PLEC: variants seen among roughly 807,000 people sequenced by gnomAD.
PLEC encodes the protein plectin.
A neutral mutation model predicts 392.8 loss-of-function variants in PLEC; 216 were observed. The ratio of observed to expected loss-of-function variants is 0.55; its 90% CI spans 0.49 to 0.62. PLEC has a LOEUF of 0.62. Ranked by LOEUF, PLEC falls within the 20% of genes least tolerant of loss-of-function variation. The probability of loss-of-function intolerance (pLI) is 0.00; values close to 1 mark genes in which losing one functional copy is unlikely to be tolerated. For synonymous variants in PLEC, 3,621 were observed against 2,980.6 expected (o/e 1.21, Z -7.00); for missense variants, 6,863 against 6,563.4 (o/e 1.05, Z -1.58).
rs781910264 is a variant in PLEC at position 143,920,062 on chromosome 8, C to T, written c.9759G>A (p.Val3253=). ...VGGFKGRTVT[V]WELISSEYFT... ...AGTACTCAGAGCTGATGAGCTCCCA[C>T]ACCGTCACCGTCCTGCCCTTGAAGC... is the stretch of plus-strand genomic sequence containing the variant. Residue 3253 remains valine, a synonymous_variant, in exon 32 of 32, where the codon GTG becomes GTA. Transcript: ENST00000345136. The T allele has an allele frequency of 6.2e-7, 1 of 1,613,280 alleles. No individual in the cohort carries two copies. Among genetic ancestry groups the T allele is most frequent in the Admixed American group, 1.7e-5 (1 of 60,030 alleles).
chr8:143,939,390 G>A lies in PLEC; in HGVS notation c.72C>T (p.Asn24=), dbSNP rs782277051. 1 of 1,612,792 alleles carries A rather than the reference G, an allele frequency of 6.2e-7. No individual in the cohort carries two copies. ...LGRKRTSSED[N]LYLAVLRASE... Reference sequence around the variant, plus strand: ...AGGCCCTGAGCACAGCCAGGTACAGGTTGTCCTCCGAGCTGGTTCTCTTTC... The same window carrying A: ...AGGCCCTGAGCACAGCCAGGTACAGATTGTCCTCCGAGCTGGTTCTCTTTC... The change falls in exon 1 of 32, where the codon AAC becomes AAT. Residue 24 remains asparagine, a synonymous_variant. Coordinates refer to ENST00000345136, the MANE Select transcript of PLEC (RefSeq NM_201384.3).
chr8:143,952,323 G>A (rs1554737496), upstream of PLEC, among the ~76,000 whole-genome samples: 1 of 152,230 alleles, frequency 6.6e-6, no homozygotes, highest in Admixed American at 6.5e-5. Context: ...CCAGCTCGCT[G>A]CGGCATGGCT....
intron 1 of PLEC, among the ~76,000 whole-genome samples, chr8:143,945,449 C>T (rs182208853): frequency 2.0e-5 from 3 of 152,272 alleles, no homozygotes; most frequent in South Asian, 2.1e-4. Context: ...CCAATGCAGC[C>T]GGGGAAACAG....
At chr8:143,944,039 C>A (rs146258561), upstream of PLEC, 2 of 1,247,922 alleles carry the variant, frequency 1.6e-6, no homozygotes, top group African/African-American at 1.5e-5. Flanking sequence ...CCATACGCGG[C>A]GGCAGCCCCA....
At position 143,927,332 on chromosome 8, in the gene PLEC, G is replaced by A; in HGVS notation, c.3760C>T (p.Leu1254=). 6.2e-7 allele frequency: 1 copy of A among 1,612,994 alleles called. No individual in the cohort carries two copies. The highest frequency in any genetic ancestry group is 8.5e-7 in the Non-Finnish European group (1 of 1,179,920). ...CCGTGGCGCTCGATCTCCTCCAGCAGGGCCTGGGTGATGGTGTGGTCAGAG... is the reference window on the plus strand; with the variant it reads ...CCGTGGCGCTCGATCTCCTCCAGCAAGGCCTGGGTGATGGTGTGGTCAGAG... ...VREQLRQEQA[L]LEEIERHGEK... Residue 1254 remains leucine (L), a synonymous_variant, in exon 28 of 32, where the codon CTG becomes TTG. Transcript: ENST00000345136.
Position 143,919,691 on chromosome 8 carries a change from C to T in PLEC, c.10130G>A (p.Arg3377Gln), listed in dbSNP as rs375724891. ...AGCCGTTGTGGCTCTCAGCAGGCCC[C>T]GGCGCATGGCCTCGTAGATGGACAC... The part of the protein sequence containing the change: ...EKVSIYEAMR[R>Q]GLLRATTAAL... The change falls in exon 32 of 32, where the codon CGG becomes CAG. Residue 3377 changes from arginine to glutamine, a missense_variant. Coordinates refer to ENST00000345136, the MANE Select transcript of PLEC (RefSeq NM_201384.3). 1.1e-4 allele frequency: 170 copies of T among 1,602,238 alleles called. 1 individual carries two copies. Among genetic ancestry groups the T allele is most frequent in the East Asian group, 2.5e-4 (11 of 44,720 alleles).
At position 143,939,332 on chromosome 8, in the gene PLEC, C is replaced by T. The variant is rs368667436; in HGVS notation, c.112+18G>A. ...GCCCGCCCTGCCTGGCGGGGGTGCCCGAGGGGAGCCCTGCTACCTTTCTTG... is the reference window on the plus strand; with the variant it reads ...GCCCGCCCTGCCTGGCGGGGGTGCCTGAGGGGAGCCCTGCTACCTTTCTTG... On this transcript the variant is annotated intron_variant, in intron 1 of 31. Coordinates refer to ENST00000345136, the MANE Select transcript of PLEC (RefSeq NM_201384.3). 1.1e-5 allele frequency: 18 copies of T among 1,605,078 alleles called. No homozygotes were observed. The highest frequency in any genetic ancestry group is 6.8e-5 in the Admixed American group (4 of 59,086).
Position 143,919,374 on chromosome 8 carries a change from C to G in PLEC, c.10447G>C (p.Val3483Leu). 1.2e-6 allele frequency: 2 copies of G among 1,613,760 alleles called. No individual in the cohort carries two copies. The highest frequency in any genetic ancestry group is 8.5e-7 in the Non-Finnish European group (1 of 1,180,010). Residue 3483 changes from valine to leucine, a missense_variant, in exon 32 of 32, where the codon GTG becomes CTG. Physicochemically the swap from Val to Leu is conservative, Grantham distance 32 (BLOSUM62 1). Coordinates refer to ENST00000345136, the MANE Select transcript of PLEC (RefSeq NM_201384.3). ...CGCTGGTAGGCCACGTCCACAGGCA[C>G]GCGGTGGCTGTGCACGGGGTCGATG... is the stretch of plus-strand genomic sequence containing the variant. ...GIIDPVHSHR[V>L]PVDVAYQRGY... is the part of the protein sequence containing the mutation.
At chr8:143,929,012 T>C in intron 25 of PLEC, 91 bp downstream of exon 25, 1 of 1,209,886 alleles carries the variant, frequency 8.3e-7, no homozygotes, top group Non-Finnish European at 1.2e-6. Flanking sequence ...CCCCAACTCG[T>C]TCCCTCCTGC....
At chr8:143,935,717 C>T (rs912636671) in intron 6 of PLEC, 131 bp downstream of exon 6, 54 of 982,326 alleles carry the variant, frequency 5.5e-5, no homozygotes, top group South Asian at 4.2e-4. Context: ...TCCACCACCC[C>T]GAGGCGGCCA....
At position 143,958,932 on chromosome 8, in the gene PLEC, A is replaced by G. The variant is rs554058963; in HGVS notation, c.70+14471T>C. ...AATGCACTTTCCCAGAACTCTGTTAATATCGTTGACTTCACTAGCAGATTA... is the reference window on the plus strand; with the variant it reads ...AATGCACTTTCCCAGAACTCTGTTAGTATCGTTGACTTCACTAGCAGATTA... On this transcript the variant is annotated intron_variant, in intron 1 of 31. Transcript: ENST00000356346. This position sits in a 1 kb window ranked among gnomAD's most constrained non-coding sequence, Gnocchi z 4.9. 14 of 194,394 alleles carry G rather than the reference A, an allele frequency of 7.2e-5. No individual in the cohort carries two copies. Among genetic ancestry groups the G allele is most frequent in the Non-Finnish European group, 1.6e-4 (14 of 89,924 alleles). The allele number at this position is 194,394 out of a possible 1,614,324, so 12.0% of individuals were successfully genotyped here. A position where few individuals can be genotyped will look rare whatever the true frequency, so the allele number is the denominator to read the frequency against.
Position 143,930,034 on chromosome 8 carries a change from T to C in PLEC, c.2641A>G (p.Thr881Ala), listed in dbSNP as rs781908251. 6.2e-7 allele frequency: 1 copy of C among 1,611,992 alleles called. No individual in the cohort carries two copies. The highest frequency in any genetic ancestry group is 8.5e-7 in the Non-Finnish European group (1 of 1,179,774). The stretch of plus-strand genomic sequence containing the variant: ...TCCACGTGCAACTGGTGCCACAGCG[T>C]GACCAGGGCCTGGTGCTGGGCCTCC... ...RLEAQHQALV[T>A]LWHQLHVDMK... The change falls in exon 22 of 32, where the codon ACG becomes GCG. Residue 881 changes from threonine (T) to alanine (A), a missense_variant. Thr to Ala is a moderately conservative substitution (Grantham distance 58). Transcript: ENST00000345136.
chr8:143,938,382 G>T (rs1554725475), intron 2 of PLEC, 142 bp from the exon 3 acceptor site: 1 of 1,535,430 alleles, frequency 6.5e-7, no homozygotes, highest in South Asian at 1.2e-5. Context: ...AACACACCCT[G>T]CCCCACGGAG....
upstream of PLEC, among the ~76,000 whole-genome samples, chr8:143,952,912 A>G (rs1832336580): frequency 6.6e-6 from 1 of 151,806 alleles, no homozygotes; most frequent in Non-Finnish European, 1.5e-5. Flanking sequence ...CGGGAAGGGA[A>G]GCCGCAGGGA....
chr8:143,953,252 GC>G (rs1244328384), upstream of PLEC, among the ~76,000 whole-genome samples: 1 of 24,094 alleles, frequency 4.2e-5, no homozygotes, highest in Non-Finnish European at 8.2e-5. Flanking sequence ...GCAGCCCCCA[GC>G]CCCCCCACCC....
chr8:143,956,015 A>C (rs1832571061), upstream of PLEC, among the ~76,000 whole-genome samples: 1 of 141,920 alleles, frequency 7.0e-6, no homozygotes, highest in Non-Finnish European at 1.5e-5. Context: ...CAATGGTGTG[A>C]TCTTGGCTCA....
intron 1 of PLEC, among the ~76,000 whole-genome samples, chr8:143,965,507 C>A (rs1321254623): frequency 6.6e-6 from 1 of 152,064 alleles, no homozygotes; most frequent in Non-Finnish European, 1.5e-5. Context: ...GCTCTCCCAG[C>A]CCCGCATCTC....
Position 143,969,698 on chromosome 8 carries a change from G to A in PLEC, c.70+3705C>T, listed in dbSNP as rs1833316063. Among the ~76,000 whole-genome samples, 1 of 152,012 alleles carries A rather than the reference G, an allele frequency of 6.6e-6. No homozygotes were observed. The highest frequency in any genetic ancestry group is 6.6e-5 in the Admixed American group (1 of 15,248). On this transcript the variant is annotated intron_variant, in intron 1 of 31. Coordinates refer to the PLEC transcript ENST00000356346. This position sits in a 1 kb window ranked among gnomAD's most constrained non-coding sequence, Gnocchi z 5.1. ...GCAGGGGCCTGTCCTGGGGGTCAGG[G>A]CATGAGTGCAGGCCGGGGAGTGGGG...
At chr8:143,940,860 C>T (rs1023147163), upstream of PLEC, among the ~76,000 whole-genome samples, 1 of 152,212 alleles carries the variant, frequency 6.6e-6, no homozygotes, top group African/African-American at 2.4e-5. Flanking sequence ...TCTGCCACAT[C>T]GTACACGCCG....
Sources: gnomAD v4.1 joint callset for allele counts (sites outside exome capture counted in the v4.1 genomes callset) on GRCh38, gnomAD v4.1.1 for gene constraint, Gnocchi (gnomAD v3.1) non-coding constraint, MANE v1.5 for transcripts, NCBI Gene and HGNC (gene_info 2026-07-23, HGNC 2026-07-21) for gene names.